The following NDUFA13 variants were observed in gnomAD, a reference collection of about 807,000 sequenced individuals.
NDUFA13 encodes NADH dehydrogenase [ubiquinone] 1 alpha subcomplex subunit 13.
NDUFA13 carries 16 observed loss-of-function variants against 17.0 expected under a neutral mutation model. That is an observed-to-expected ratio of 0.94 (90% confidence interval 0.64 to 1.43). The LOEUF is 1.43. Among genes scored for constraint, NDUFA13 ranks in the 40% most tolerant of loss-of-function variants. NDUFA13 has a pLI of 0.00. For synonymous variants in NDUFA13, 87 were observed against 78.4 expected (o/e 1.11, Z -0.58); for missense variants, 228 against 206.7 (o/e 1.10, Z -0.63).
At position 19,521,365 on chromosome 19, in the gene NDUFA13, A is replaced by G. The variant is rs1049628901; in HGVS notation, c.95-4817A>G. ...GGCTGATGATGTCGAACATTTTTTC[A>G]TGTGTTTTATTATTTTTATTTTTTA... On this transcript the variant is annotated intron_variant, in intron 1 of 4. Coordinates refer to ENST00000507754, the MANE Select transcript of NDUFA13 (RefSeq NM_015965.7). Among the ~76,000 whole-genome samples, 14 of 152,290 alleles carry G rather than the reference A, an allele frequency of 9.2e-5. No homozygotes were observed. In the South Asian group the frequency reaches 2.9e-3, roughly 32 times the overall value.
intron 1 of NDUFA13, among the ~76,000 whole-genome samples, chr19:19,519,140 C>T (rs1309434484): frequency 6.6e-6 from 1 of 151,358 alleles, no homozygotes; most frequent in Non-Finnish European, 1.5e-5. Flanking sequence ...GTCCCCCTGC[C>T]TCAGCCGCCC....
intron 3 of NDUFA13, 28 bp downstream of exon 3, chr19:19,527,380 G>A (rs757527589): frequency 9.9e-6 from 16 of 1,613,100 alleles, no homozygotes; most frequent in Non-Finnish European, 1.4e-5. Context: ...AAGGTTGGGA[G>A]GTCACTGGCC....
In NDUFA13 at chr19:19,527,288, C is replaced by T. The variant is rs1283498737; in HGVS notation, c.181C>T (p.Gln61Ter). 1.2e-6 allele frequency: 2 copies of T among 1,613,848 alleles called. No homozygotes were observed. The highest frequency in any genetic ancestry group is 1.7e-6 in the Non-Finnish European group (2 of 1,180,008). ...GGTTTCGGGCTTTCACAGGCGCCTA[C>T]AAATCGAGGACTTCGAGGCTCGCAT... ...MKWNRERRRL[Q>*]IEDFEARIAL... The change falls in exon 3 of 5, where the codon CAA (glutamine) becomes TAA (stop). Residue 61 changes from glutamine to a stop codon, truncating the protein, a stop_gained. Transcript: ENST00000507754. LOFTEE classifies it high-confidence loss of function.
intron 2 of NDUFA13, 136 bp from the exon 3 acceptor site, chr19:19,527,145 C>T (rs539915848): frequency 4.7e-5 from 44 of 943,744 alleles, no homozygotes; most frequent in East Asian, 3.9e-4. Context: ...CCGCGACCCT[C>T]GCCCTGCCCC....
chr19:19,519,525 A>G (rs2144638138), intron 1 of NDUFA13, among the ~76,000 whole-genome samples: 1 of 152,172 alleles, frequency 6.6e-6, no homozygotes, highest in Admixed American at 6.5e-5. Flanking sequence ...AGTGAGGAGG[A>G]TACCCCTATG....
chr19:19,522,828 G>A (rs922743206), intron 1 of NDUFA13, among the ~76,000 whole-genome samples: 2 of 151,920 alleles, frequency 1.3e-5, no homozygotes, highest in Non-Finnish European at 2.9e-5. Flanking sequence ...AAGAAGGAAC[G>A]CATCCTCATT....
At chr19:19,525,787 A>G (rs922497069) in intron 1 of NDUFA13, among the ~76,000 whole-genome samples, 2 of 152,098 alleles carry the variant, frequency 1.3e-5, no homozygotes, top group African/African-American at 4.8e-5. Flanking sequence ...CAGCCCCCAC[A>G]GGGCACTGCC....
At chr19:19,520,557 A>T (rs926655897) in intron 1 of NDUFA13, among the ~76,000 whole-genome samples, 1 of 152,114 alleles carries the variant, frequency 6.6e-6, no homozygotes, top group African/African-American at 2.4e-5. Context: ...TTGAACCTGG[A>T]AGGCGGAGGT....
At chr19:19,518,359 C>T (rs1365598844) in intron 1 of NDUFA13, among the ~76,000 whole-genome samples, 2 of 151,564 alleles carry the variant, frequency 1.3e-5, no homozygotes, top group Admixed American at 6.6e-5. Context: ...CTCAGCCTCC[C>T]GAGTAGCTGG....
chr19:19,527,165 T>G, intron 2 of NDUFA13, 116 bp from the exon 3 acceptor site: 75 of 470,684 alleles, frequency 1.6e-4, no homozygotes, highest in Non-Finnish European at 2.1e-4. Context: ...CCTGCCTGCC[T>G]CCCCGCCCCC....
intron 1 of NDUFA13, among the ~76,000 whole-genome samples, chr19:19,525,825 G>A (rs890554447): frequency 3.3e-5 from 5 of 152,116 alleles, no homozygotes; most frequent in Admixed American, 6.5e-5. Flanking sequence ...TGCAGCCCCC[G>A]CAGGGCAGCA....
intron 3 of NDUFA13, 35 bp from the exon 4 acceptor site, chr19:19,527,666 A>AGGCCCCACCCCCACCATC: frequency 6.6e-7 from 1 of 1,524,190 alleles, no homozygotes; most frequent in Non-Finnish European, 8.9e-7. Flanking sequence ...CAGGGCACTG[A>AGGCCCCACCCCCACCATC]GGCCCCACCC....
intron 1 of NDUFA13, among the ~76,000 whole-genome samples, chr19:19,521,625 T>C (rs1766942380): frequency 1.3e-5 from 2 of 151,714 alleles, no homozygotes; most frequent in Middle Eastern, 3.4e-3. Flanking sequence ...TGTTTTGAGA[T>C]GGAGTCTTGC....
At chr19:19,519,421 T>TA (rs1285034190) in intron 1 of NDUFA13, among the ~76,000 whole-genome samples, 1 of 152,162 alleles carries the variant, frequency 6.6e-6, no homozygotes, top group East Asian at 1.9e-4. Context: ...TGCCAGACAG[T>TA]GCCCTAAATA....
rs1184798366 is a variant in NDUFA13, at chr19:19,526,204, G to A, written c.117G>A (p.Gly39=). The change falls in exon 2 of 5, where the codon GGG becomes GGA. Residue 39 remains glycine, a synonymous_variant. Coordinates refer to ENST00000507754, the MANE Select transcript of NDUFA13 (RefSeq NM_015965.7). ...CAGGCTACAGCATGCTGGCCATAGG[G>A]ATTGGAACCCTGATCTACGGGCACT... is the stretch of plus-strand genomic sequence containing the variant. ...GLSGYSMLAI[G]IGTLIYGHWS... 1.2e-6 allele frequency: 2 copies of A among 1,613,998 alleles called. No individual in the cohort carries two copies. Among genetic ancestry groups the A allele is most frequent in the African/African-American group, 2.7e-5 (2 of 74,946 alleles).
intron 1 of NDUFA13, among the ~76,000 whole-genome samples, chr19:19,523,542 T>C (rs1429007284): frequency 6.6e-6 from 1 of 151,460 alleles, no homozygotes; most frequent in Admixed American, 6.6e-5. Context: ...CACTGCAACC[T>C]TGACTTCTTG....
chr19:19,526,147 C>T (rs764111518), intron 1 of NDUFA13, 35 bp from the exon 2 acceptor site: 49 of 1,608,798 alleles, frequency 3.0e-5, no homozygotes, highest in East Asian at 1.3e-4. Flanking sequence ...TGTCTGGGGG[C>T]GGGCTGGCCC....
chr19:19,524,010 C>G (rs2061089705), intron 1 of NDUFA13, among the ~76,000 whole-genome samples: 1 of 152,238 alleles, frequency 6.6e-6, no homozygotes, highest in Admixed American at 6.5e-5. Context: ...TCAAGTGATC[C>G]TCTCACCTCA....
intron 2 of NDUFA13, 32 bp downstream of exon 2, chr19:19,526,292 G>T: frequency 6.2e-7 from 1 of 1,610,734 alleles, no homozygotes; most frequent in South Asian, 1.1e-5. Flanking sequence ...GTCTGAAAGT[G>T]CCCCCCCGGC....
Sources: allele counts gnomAD v4.1 joint callset (sites outside exome capture counted in the v4.1 genomes callset), GRCh38; gene constraint gnomAD v4.1.1; transcripts MANE v1.5; gene names NCBI Gene and HGNC (gene_info 2026-07-23, HGNC 2026-07-21).